The following HSD17B6 variants were observed in gnomAD, a reference collection of about 807,000 sequenced individuals.
The protein encoded by HSD17B6 is hydroxysteroid 17-beta dehydrogenase 6.
A neutral mutation model predicts 26.4 loss-of-function variants in HSD17B6; 16 were observed. The observed-to-expected ratio is 0.61, with a 90% confidence interval of 0.41 to 0.92. The LOEUF (loss-of-function observed/expected upper bound fraction) is 0.92. Among genes scored for constraint, HSD17B6 ranks in the 40% least tolerant of loss-of-function variants. The pLI is 0.00. For missense variants in HSD17B6, 357 were observed against 386.1 expected (o/e 0.92, Z 0.63); for synonymous variants, 139 against 153.0 (o/e 0.91, Z 0.68).
chr12:56,783,858 G>T (rs1954805242), intron 3 of HSD17B6, among the ~76,000 whole-genome samples: 2 of 152,064 alleles, frequency 1.3e-5, no homozygotes, highest in Non-Finnish European at 2.9e-5. Flanking sequence ...CTGCCGGGCG[G>T]AGACGCTCCT....
At chr12:56,783,391 G>A (rs562899553) in intron 3 of HSD17B6, among the ~76,000 whole-genome samples, 54 of 130,450 alleles carry the variant, frequency 4.1e-4, no homozygotes, top group Middle Eastern at 5.4e-3. Flanking sequence ...CCTCCCGGAC[G>A]GGGCGGCTGG....
chr12:56,784,508 C>G (rs943945753), intron 3 of HSD17B6, among the ~76,000 whole-genome samples: 4 of 152,176 alleles, frequency 2.6e-5, no homozygotes, highest in Non-Finnish European at 5.9e-5. Context: ...AACCCCGTCT[C>G]CACCAAAAAA....
At chr12:56,780,840 CAAAAAA>C (rs59227954) in intron 2 of HSD17B6, among the ~76,000 whole-genome samples, 3 of 64,102 alleles carry the variant, frequency 4.7e-5, no homozygotes, top group African/African-American at 1.2e-4. Flanking sequence ...GACTCCGTCT[CAAAAAA>C]AAAAAAAAAA....
Position 56,787,453 on chromosome 12 carries a change from T to A in HSD17B6, c.*111T>A. ...TTTTGTAACAATGTGTTTTCTTGCC[T>A]AAATTCATTTATCTGGCATCATCAG... On this transcript the variant is annotated 3_prime_UTR_variant, in exon 5 of 5. Coordinates refer to ENST00000322165, the MANE Select transcript of HSD17B6 (RefSeq NM_003725.4). The A allele has an allele frequency of 1.5e-6, 1 of 689,124 alleles. No homozygotes were observed. The highest frequency in any genetic ancestry group is 2.5e-6 in the Non-Finnish European group (1 of 405,668). 42.7% of individuals were successfully genotyped at this position (689,124 alleles called of 1,614,324 possible).
At chr12:56,778,604 T>A (rs1165450706) in intron 2 of HSD17B6, among the ~76,000 whole-genome samples, 2 of 150,884 alleles carry the variant, frequency 1.3e-5, no homozygotes, top group East Asian at 4.0e-4. Flanking sequence ...CTTTTCTTTC[T>A]AGTCCTTCTC....
chr12:56,782,055 A>T lies in HSD17B6; in HGVS notation c.395A>T (p.Asn132Ile). The change falls in exon 3 of 5, where the codon AAT becomes ATT. Residue 132 changes from asparagine (N) to isoleucine (I), a missense_variant. Coordinates refer to ENST00000322165, the MANE Select transcript of HSD17B6 (RefSeq NM_003725.4). The part of the protein sequence containing the change: ...CEWLNTEDSM[N>I]MLKVNLIGVI... ...TGGCTGAACACTGAGGACTCTATGA[A>T]TATGCTCAAAGTGAACCTCATTGGT... 6.2e-7 allele frequency: 1 copy of T among 1,614,188 alleles called. No individual in the cohort carries two copies. Among genetic ancestry groups the T allele is most frequent in the Non-Finnish European group, 8.5e-7 (1 of 1,180,044 alleles).
chr12:56,764,665 C>A (rs1954283925), intron 1 of HSD17B6, among the ~76,000 whole-genome samples: 1 of 152,104 alleles, frequency 6.6e-6, no homozygotes, highest in South Asian at 2.1e-4. Context: ...ACTTATTTAA[C>A]CCTCTCAATA....
chr12:56,778,603 C>G (rs930016980), intron 2 of HSD17B6, among the ~76,000 whole-genome samples: 2 of 150,400 alleles, frequency 1.3e-5, no homozygotes, highest in African/African-American at 2.4e-5. Context: ...ACTTTTCTTT[C>G]TAGTCCTTCT....
At chr12:56,778,158 G>C (rs903870355) in intron 2 of HSD17B6, among the ~76,000 whole-genome samples, 1 of 152,094 alleles carries the variant, frequency 6.6e-6, no homozygotes, top group Non-Finnish European at 1.5e-5. Flanking sequence ...TGTGCCCTTG[G>C]TTTCTTACTC....
At chr12:56,781,860 ATGG>A (rs1272564875) in intron 2 of HSD17B6, 111 bp from the exon 3 acceptor site, 1 of 1,076,624 alleles carries the variant, frequency 9.3e-7, no homozygotes, top group African/African-American at 1.6e-5. Flanking sequence ...GCAAACTCTC[ATGG>A]GGGTGGTTAG....
At chr12:56,769,270 T>G (rs192499527) in intron 1 of HSD17B6, among the ~76,000 whole-genome samples, 1 of 152,072 alleles carries the variant, frequency 6.6e-6, no homozygotes, top group East Asian at 1.9e-4. Context: ...CTCAGCTAAT[T>G]TTTGTATTTT....
rs1446019153 is a variant in HSD17B6 at position 56,773,939 on chromosome 12, C to T, written c.87C>T (p.Asp29=). 6.2e-7 allele frequency: 1 copy of T among 1,614,120 alleles called. No individual in the cohort carries two copies. The highest frequency in any genetic ancestry group is 8.5e-7 in the Non-Finnish European group (1 of 1,179,972). Reference sequence around the variant, plus strand: ...GGCAGGTGGTGAGCCACCTCCAAGACAAGTATGTCTTTATCACGGGCTGTG... The same window carrying T: ...GGCAGGTGGTGAGCCACCTCCAAGATAAGTATGTCTTTATCACGGGCTGTG... The part of the protein sequence containing the change: ...RERQVVSHLQ[D]KYVFITGCDS... Residue 29 remains aspartate (D), a synonymous_variant, in exon 2 of 5, where the codon GAC becomes GAT. Transcript: ENST00000322165.
At chr12:56,780,668 C>T (rs1164692497) in intron 2 of HSD17B6, among the ~76,000 whole-genome samples, 7 of 151,752 alleles carry the variant, frequency 4.6e-5, no homozygotes, top group Admixed American at 3.3e-4. Flanking sequence ...ACCATCCTGG[C>T]GAACACGGTG....
chr12:56,766,407 A>C (rs983323488), intron 1 of HSD17B6, among the ~76,000 whole-genome samples: 1 of 152,076 alleles, frequency 6.6e-6, no homozygotes, highest in Non-Finnish European at 1.5e-5. Context: ...TGCTCTCACT[A>C]TTCCCTTTGC....
At chr12:56,779,451 T>C (rs1954666745) in intron 2 of HSD17B6, among the ~76,000 whole-genome samples, 1 of 152,244 alleles carries the variant, frequency 6.6e-6, no homozygotes, top group East Asian at 1.9e-4. Context: ...ATTATTATGT[T>C]TGGATTTATT....
chr12:56,783,920 C>T (rs547376556), intron 3 of HSD17B6, among the ~76,000 whole-genome samples: 9 of 148,036 alleles, frequency 6.1e-5, no homozygotes, highest in African/African-American at 1.8e-4. Flanking sequence ...ACTTCTCAAA[C>T]GGGGCGGTTG....
chr12:56,775,692 T>C (rs1954576818), intron 2 of HSD17B6, among the ~76,000 whole-genome samples: 1 of 152,178 alleles, frequency 6.6e-6, no homozygotes, highest in Non-Finnish European at 1.5e-5. Flanking sequence ...AATGTTGATA[T>C]GTTATCGTTA....
At chr12:56,764,978 T>C (rs1459347933) in intron 1 of HSD17B6, among the ~76,000 whole-genome samples, 2 of 151,954 alleles carry the variant, frequency 1.3e-5, no homozygotes, top group Non-Finnish European at 2.9e-5. Flanking sequence ...GCGCCCGCCA[T>C]CACACCTGAC....
chr12:56,771,372 G>A (rs1954468303), intron 1 of HSD17B6, among the ~76,000 whole-genome samples: 1 of 151,800 alleles, frequency 6.6e-6, no homozygotes, highest in Non-Finnish European at 1.5e-5. Flanking sequence ...GGGTTCTTGT[G>A]AGAATTCAAA....
Sources: allele counts gnomAD v4.1 joint callset (sites outside exome capture counted in the v4.1 genomes callset), GRCh38; gene constraint gnomAD v4.1.1; transcripts MANE v1.5; gene names NCBI Gene and HGNC (gene_info 2026-07-23, HGNC 2026-07-21).